The following CAST variants were observed in gnomAD, a reference collection of about 807,000 sequenced individuals.
CAST encodes calpastatin, also known as MIR583 host.
Under a neutral mutation model 119.6 loss-of-function variants are expected in CAST, and 76 were observed. The observed-to-expected ratio is 0.64, with a 90% CI of 0.53 to 0.77. The LOEUF (loss-of-function observed/expected upper bound fraction) is 0.77, where lower values mean the gene tolerates loss of function less well. Among genes scored for constraint, CAST ranks in the 30% least tolerant of loss-of-function variants. The pLI is 0.00. For missense variants in CAST, 953 were observed against 946.5 expected (o/e 1.01, Z -0.09); for synonymous variants, 319 against 331.6 (o/e 0.96, Z 0.41).
the CAST span, among the ~76,000 whole-genome samples, chr5:95,989,023 A>G: frequency 2.0e-5 from 3 of 152,190 alleles, no homozygotes; most frequent in African/African-American, 7.2e-5. Flanking sequence ...TATAGTTCCT[A>G]TGTTACATAA....
At chr5:96,310,528 G>T in the CAST span, among the ~76,000 whole-genome samples, 1 of 149,484 alleles carries the variant, frequency 6.7e-6, no homozygotes, top group Non-Finnish European at 1.5e-5. Flanking sequence ...TAAACGTTTG[G>T]TTAAATTCAG....
At chr5:96,301,853 T>A in the CAST span, among the ~76,000 whole-genome samples, 1 of 152,182 alleles carries the variant, frequency 6.6e-6, no homozygotes, top group Non-Finnish European at 1.5e-5. Context: ...TCCAGGAGCA[T>A]GGTGCAAGCT....
chr5:96,677,963 A>C (rs1750905118), intron 2 of CAST, among the ~76,000 whole-genome samples: 1 of 152,108 alleles, frequency 6.6e-6, no homozygotes, highest in South Asian at 2.1e-4. Flanking sequence ...AAAGGGCCTC[A>C]TTCTTTATGT....
At chr5:96,613,982 A>G (rs1747409226) in intron 1 of CAST, among the ~76,000 whole-genome samples, 1 of 152,158 alleles carries the variant, frequency 6.6e-6, no homozygotes, top group Non-Finnish European at 1.5e-5. Flanking sequence ...GAGGCTGGGT[A>G]TCCTCACAGC....
At chr5:96,009,796 A>T in the CAST span, among the ~76,000 whole-genome samples, 3 of 152,226 alleles carry the variant, frequency 2.0e-5, no homozygotes, top group East Asian at 3.9e-4. Flanking sequence ...TCTTTAGTTT[A>T]ATTAGATCCC....
At chr5:96,534,837 GAA>G (rs1286436094) in intron 1 of CAST, among the ~76,000 whole-genome samples, 5 of 131,528 alleles carry the variant, frequency 3.8e-5, no homozygotes, top group Middle Eastern at 7.5e-3. Context: ...AAGAAGGAAA[GAA>G]GGAAGGAAGG....
At chr5:95,992,978 A>C in the CAST span, among the ~76,000 whole-genome samples, 14 of 152,220 alleles carry the variant, frequency 9.2e-5, 1 homozygote, top group Non-Finnish European at 2.1e-4. Context: ...TGGGAAGTAG[A>C]AAACACACTT....
the CAST span, among the ~76,000 whole-genome samples, chr5:96,181,540 G>C: frequency 6.6e-6 from 1 of 152,174 alleles, no homozygotes; most frequent in African/African-American, 2.4e-5. Context: ...CCATTGCGTA[G>C]CTGTGACTCA....
At chr5:96,412,752 G>GTTTT in the CAST span, among the ~76,000 whole-genome samples, 14,479 of 71,540 alleles carry the variant, frequency 0.2, 1,724 homozygotes, top group African/African-American at 0.23. Context: ...CAGCTGTGAT[G>GTTTT]TTTTTTTTTT....
chr5:96,000,373 C>T, the CAST span, among the ~76,000 whole-genome samples: 10 of 152,230 alleles, frequency 6.6e-5, no homozygotes, highest in African/African-American at 2.2e-4. Flanking sequence ...TGTTATTTAG[C>T]TTCTACATTT....
chr5:96,512,364 G>C, the CAST span, among the ~76,000 whole-genome samples: 5 of 152,262 alleles, frequency 3.3e-5, 1 homozygote, highest in African/African-American at 1.2e-4. Context: ...TGTATATTTT[G>C]CAAGTGCTTC....
chr5:95,975,059 G>A, the CAST span, among the ~76,000 whole-genome samples: 1 of 152,232 alleles, frequency 6.6e-6, no homozygotes, highest in African/African-American at 2.4e-5. Flanking sequence ...TGGCATGCAT[G>A]GGCAGAAGGG....
At chr5:96,199,931 C>T in the CAST span, among the ~76,000 whole-genome samples, 15,506 of 152,104 alleles carry the variant, frequency 0.1, 981 homozygotes, top group East Asian at 0.21. Flanking sequence ...ACTTATTAAC[C>T]TCCCTTTAAA....
the CAST span, chr5:96,429,199 T>C: frequency 1.2e-4 from 151 of 1,273,722 alleles, 2 homozygotes; most frequent in South Asian, 1.7e-3. Flanking sequence ...TGAAGACAAA[T>C]GTACAACACT....
At chr5:96,398,416 A>G in the CAST span, among the ~76,000 whole-genome samples, 1 of 152,238 alleles carries the variant, frequency 6.6e-6, no homozygotes, top group Non-Finnish European at 1.5e-5. Context: ...CATACATCAT[A>G]TAAAATGGCC....
At chr5:96,293,965 G>A in the CAST span, among the ~76,000 whole-genome samples, 1 of 151,030 alleles carries the variant, frequency 6.6e-6, no homozygotes, top group African/African-American at 2.4e-5. Flanking sequence ...TCACCATGTT[G>A]GCCAGGCTGG....
At chr5:96,579,789 C>G (rs1746739099) in intron 1 of CAST, among the ~76,000 whole-genome samples, 1 of 152,208 alleles carries the variant, frequency 6.6e-6, no homozygotes, top group South Asian at 2.1e-4. Context: ...TTGTCCAGAA[C>G]AGAGGTTCAG....
At chr5:96,731,081 A>G (rs1364609842) in intron 9 of CAST, among the ~76,000 whole-genome samples, 3 of 152,230 alleles carry the variant, frequency 2.0e-5, no homozygotes, top group South Asian at 4.1e-4. Context: ...TACATGCCAT[A>G]TATAACGTAC....
chr5:96,246,860 T>C, the CAST span, among the ~76,000 whole-genome samples: 16 of 152,338 alleles, frequency 1.1e-4, no homozygotes, highest in East Asian at 2.9e-3. Context: ...TAGTAATTAA[T>C]AGAGGTTCTA....
Sources: allele counts gnomAD v4.1 joint callset (sites outside exome capture counted in the v4.1 genomes callset), GRCh38; gene constraint gnomAD v4.1.1; transcripts MANE v1.5; gene names NCBI Gene and HGNC (gene_info 2026-07-23, HGNC 2026-07-21).